Variants in FBXL5 observed in about 807,000 individuals in gnomAD.
FBXL5 encodes F-box/LRR-repeat protein 5.
In FBXL5, 26 loss-of-function variants were observed where a neutral mutation model predicts 78.3. That is an observed-to-expected ratio of 0.33 (90% CI 0.24 to 0.46). FBXL5 has a LOEUF of 0.46. FBXL5 is among the 20% of genes least tolerant of loss of function. The pLI is 1.00. For synonymous variants in FBXL5, 295 were observed against 282.5 expected (o/e 1.04, Z -0.45); for missense variants, 710 against 829.2 (o/e 0.86, Z 1.77).
chr4:15,669,594 A>G lies in FBXL5; in HGVS notation c.-283-9672T>C, dbSNP rs147738305. Among the ~76,000 whole-genome samples, 7 of 152,332 alleles carry G rather than the reference A, an allele frequency of 4.6e-5. No homozygotes were observed. In the East Asian group the frequency reaches 1.4e-3, roughly 29 times the overall value. ...ACATAAAAGTAGAAAGAATGATAAT[A>G]AATACTCCCCTTTTACCCAATACTT... On this transcript the variant is annotated intron_variant, in intron 1 of 4. Transcript: ENST00000507899.
chr4:15,679,221 C>A (rs954449754), intron 1 of FBXL5, among the ~76,000 whole-genome samples: 2 of 152,016 alleles, frequency 1.3e-5, no homozygotes, highest in African/African-American at 4.8e-5. Flanking sequence ...TGCCACCACA[C>A]CCAGCTAATT....
chr4:15,621,621 T>TA (rs1712489353), intron 9 of FBXL5, among the ~76,000 whole-genome samples: 1 of 152,124 alleles, frequency 6.6e-6, no homozygotes, highest in Non-Finnish European at 1.5e-5. Context: ...ATAAGCTAGA[T>TA]ACAAAAGGAC....
chr4:15,652,358 G>A (rs965433641), intron 1 of FBXL5, among the ~76,000 whole-genome samples: 2 of 152,134 alleles, frequency 1.3e-5, no homozygotes. Context: ...TCTACCACTA[G>A]CTGCTTATGT....
chr4:15,649,578 C>CAAAAAAAAAA (rs34238482), intron 1 of FBXL5, among the ~76,000 whole-genome samples: 8 of 81,326 alleles, frequency 9.8e-5, no homozygotes, highest in Admixed American at 2.9e-4. Context: ...GACTACGTCT[C>CAAAAAAAAAA]AAAAAAAAAA....
At chr4:15,641,291 C>T (rs1714847269) in intron 2 of FBXL5, among the ~76,000 whole-genome samples, 1 of 152,084 alleles carries the variant, frequency 6.6e-6, no homozygotes, top group African/African-American at 2.4e-5. Context: ...ATAGTTGACC[C>T]TTGAACAACA....
rs1442337457 is a variant in FBXL5, at chr4:15,636,359, C to CAA, written c.766+133_766+134dup. 4 of 666,250 alleles carry CAA rather than the reference C, an allele frequency of 6.0e-6. No individual in the cohort carries two copies. In the Admixed American group the frequency reaches 1.5e-4, roughly 25 times the overall value. The allele number at this position is 666,250 out of a possible 1,614,324, so 41.3% of individuals were successfully genotyped here. A position where few individuals can be genotyped will look rare whatever the true frequency, so the allele number is the denominator to read the frequency against. On this transcript the variant is annotated intron_variant, in intron 5 of 10. Coordinates refer to ENST00000341285, the MANE Select transcript of FBXL5 (RefSeq NM_012161.4). ...CTAGTTTTCCAAAAATATATACCAC[C>CAA]AAAACATCATCTAACTATAAAATCT...
chr4:15,608,033 T>C (rs1010319105), intron 10 of FBXL5, among the ~76,000 whole-genome samples: 1 of 152,162 alleles, frequency 6.6e-6, no homozygotes, highest in African/African-American at 2.4e-5. Context: ...TGCATCATTA[T>C]AATGAAATGA....
chr4:15,658,000 G>C (rs1717092416), upstream of FBXL5, among the ~76,000 whole-genome samples: 1 of 152,200 alleles, frequency 6.6e-6, no homozygotes, highest in Non-Finnish European at 1.5e-5. Flanking sequence ...AGAATAACTG[G>C]TAGAATTGGT....
intron 10 of FBXL5, among the ~76,000 whole-genome samples, chr4:15,609,908 T>C (rs1722135242): frequency 1.3e-5 from 2 of 152,064 alleles, no homozygotes; most frequent in Admixed American, 1.3e-4. Flanking sequence ...ACTTATCATG[T>C]ATTACTTAAT....
chr4:15,653,459 T>C (rs989153379), intron 1 of FBXL5, among the ~76,000 whole-genome samples: 1 of 152,140 alleles, frequency 6.6e-6, no homozygotes, highest in Non-Finnish European at 1.5e-5. Context: ...TTGTGATTCT[T>C]TATTTTGGGA....
chr4:15,613,977 T>C lies in FBXL5; in HGVS notation c.1851-1563A>G, dbSNP rs189879632. ...CTTCTTCATTTGGATCCACTGCTGG[T>C]GAGCTAGTGTGTTCCTTTGGGAGTG... On this transcript the variant is annotated intron_variant, in intron 9 of 10. Coordinates refer to ENST00000341285, the MANE Select transcript of FBXL5 (RefSeq NM_012161.4). Among the ~76,000 whole-genome samples the C allele has an allele frequency of 2.6e-4, 40 of 152,338 alleles. 1 individual carries two copies. In the East Asian group the frequency reaches 6.9e-3, roughly 26 times the overall value.
chr4:15,675,439 T>C (rs1717948686), intron 1 of FBXL5, among the ~76,000 whole-genome samples: 1 of 152,156 alleles, frequency 6.6e-6, no homozygotes, highest in Admixed American at 6.5e-5. Context: ...GCCTTCAGGC[T>C]TAGATCCTAT....
intron 5 of FBXL5, among the ~76,000 whole-genome samples, chr4:15,633,222 A>C (rs1201422597): frequency 6.6e-6 from 1 of 152,246 alleles, no homozygotes; most frequent in Non-Finnish European, 1.5e-5. Context: ...AACTACAAAA[A>C]TGTACAGAGT....
At chr4:15,658,850 T>C (rs760668334), upstream of FBXL5, among the ~76,000 whole-genome samples, 7 of 152,198 alleles carry the variant, frequency 4.6e-5, no homozygotes, top group Non-Finnish European at 7.3e-5. Flanking sequence ...CATTAAATAT[T>C]AAGAAAAATT....
Position 15,636,652 on chromosome 4 carries a change from G to C in FBXL5, c.608C>G (p.Thr203Arg), listed in dbSNP as rs201092417. The change falls in exon 5 of 11, where the codon ACA becomes AGA. Residue 203 changes from threonine (T) to arginine (R), a missense_variant. This residue lies in a region of FBXL5 where 517 missense variants were observed against 542.9 expected (regional missense o/e 0.95). Transcript: ENST00000341285. ...CTCAGGAGGAAGATGGGTTATACCT[G>C]TGGAGTGTTCTGACACTTCTGCTTC... is the stretch of plus-strand genomic sequence containing the variant. ...DKEAEVSEHSTGITHLPPEVM... is the reference protein window; with the variant it reads ...DKEAEVSEHSRGITHLPPEVM... The C allele has an allele frequency of 6.2e-7, 1 of 1,604,186 alleles. No individual in the cohort carries two copies. Among genetic ancestry groups the C allele is most frequent in the Non-Finnish European group, 8.5e-7 (1 of 1,174,384 alleles).
At chr4:15,619,431 A>T (rs998427596) in intron 9 of FBXL5, among the ~76,000 whole-genome samples, 1 of 152,202 alleles carries the variant, frequency 6.6e-6, no homozygotes, top group African/African-American at 2.4e-5. Context: ...GAAAAAAATG[A>T]TCATCTCAAC....
chr4:15,662,160 A>G (rs538902941), upstream of FBXL5, among the ~76,000 whole-genome samples: 118 of 150,488 alleles, frequency 7.8e-4, no homozygotes, highest in Non-Finnish European at 1.3e-3. Flanking sequence ...TGCTTACACA[A>G]TGGTGTACCT....
At chr4:15,641,272 A>G (rs1714844907) in intron 2 of FBXL5, among the ~76,000 whole-genome samples, 1 of 151,934 alleles carries the variant, frequency 6.6e-6, no homozygotes, top group Non-Finnish European at 1.5e-5. Context: ...CCACTAAAAA[A>G]CTCAGAATAT....
At chr4:15,616,754 G>GT (rs1186911578) in intron 9 of FBXL5, among the ~76,000 whole-genome samples, 5 of 152,262 alleles carry the variant, frequency 3.3e-5, no homozygotes, top group Non-Finnish European at 7.4e-5. Context: ...CTCTACCCCT[G>GT]TATTTTGCCC....
Sources: gnomAD v4.1 joint callset for allele counts (sites outside exome capture counted in the v4.1 genomes callset) on GRCh38, gnomAD v4.1.1 for gene constraint, gnomAD v4.1.1 regional missense constraint, MANE v1.5 for transcripts, NCBI Gene and HGNC (gene_info 2026-07-23, HGNC 2026-07-21) for gene names.